Variants in OFD1 observed in about 807,000 individuals in gnomAD.
OFD1 encodes centriole and centriolar satellite protein OFD1.
In OFD1, 12 loss-of-function variants were observed where a neutral mutation model predicts 81.4. The ratio of observed to expected loss-of-function variants is 0.15; its 90% confidence interval spans 0.09 to 0.24. OFD1 has a LOEUF of 0.24. Ranked by LOEUF, OFD1 falls within the 10% of genes least tolerant of loss-of-function variation. OFD1 has a pLI of 1.00. For synonymous variants in OFD1, 256 were observed against 263.7 expected (o/e 0.97, Z 0.28); for missense variants, 685 against 733.9 (o/e 0.93, Z 0.77).
chrX:13,760,086 T>C (rs1428117442), intron 15 of OFD1, 29 bp from the exon 16 acceptor site: 7 of 1,209,582 alleles, frequency 5.8e-6, no homozygotes, highest in Non-Finnish European at 7.8e-6. Context: ...GTCCACTTAC[T>C]TCTGAAATTG....
At chrX:13,751,900 C>T (rs747312032) in intron 10 of OFD1, among the ~76,000 whole-genome samples, 4 of 112,171 alleles carry the variant, frequency 3.6e-5, no homozygotes, top group East Asian at 2.8e-4. Context: ...GCTTCTCTAA[C>T]GTTTATTGTG....
At position 13,753,385 on chromosome X, in the gene OFD1, A is replaced by G. The variant is rs760840957; in HGVS notation, c.1073A>G (p.Lys358Arg). The G allele has an allele frequency of 8.3e-7, 1 of 1,208,008 alleles. No individual in the cohort carries two copies. Among genetic ancestry groups the G allele is most frequent in the Non-Finnish European group, 1.1e-6 (1 of 892,577 alleles). ...ATTCTCAGGTATCAACTTGAACTGA[A>G]GGATGACTACATCATTAGAACTAAT... ...NELLKYQLEL[K>R]DDYIIRTNRL... is the part of the protein sequence containing the mutation. The change falls in exon 11 of 23, where the codon AAG becomes AGG. Residue 358 changes from lysine (K) to arginine (R), a missense_variant. Physicochemically the swap from Lys to Arg is conservative, Grantham distance 26. Transcript: ENST00000340096.
At chrX:13,757,612 T>C (rs1167603550) in intron 13 of OFD1, 48 bp from the exon 14 acceptor site, 1 of 1,178,986 alleles carries the variant, frequency 8.5e-7, no homozygotes, top group African/African-American at 1.8e-5. Context: ...ATAAGAAAAC[T>C]TAAGGTTGGT....
At chrX:13,773,013 T>G, downstream of OFD1, 1 of 1,210,090 alleles carries the variant, frequency 8.3e-7, no homozygotes. Flanking sequence ...TAGAAGACAG[T>G]ATCATGAGGA....
chrX:13,762,805 G>A (rs1317683241), intron 18 of OFD1, among the ~76,000 whole-genome samples: 1 of 111,452 alleles, frequency 9.0e-6, no homozygotes, highest in African/African-American at 3.3e-5. Flanking sequence ...TGTTGCCCAG[G>A]CTGGAGTACA....
chrX:13,731,371 A>T (rs1360633645), upstream of OFD1, among the ~76,000 whole-genome samples: 3 of 112,267 alleles, frequency 2.7e-5, no homozygotes, highest in Admixed American at 9.4e-5. Context: ...TTATACATTA[A>T]CTCATTTAAT....
At chrX:13,743,978 G>A (rs1048761638) in intron 5 of OFD1, among the ~76,000 whole-genome samples, 8 of 111,675 alleles carry the variant, frequency 7.2e-5, no homozygotes, top group Non-Finnish European at 1.1e-4. Flanking sequence ...TGCTTGGGAA[G>A]GCCTTTTCTC....
In OFD1 at chrX:13,734,859, G is replaced by A; in HGVS notation, c.-213G>A. On this transcript the variant is annotated 5_prime_UTR_variant, in exon 1 of 23. Coordinates refer to ENST00000340096, the MANE Select transcript of OFD1 (RefSeq NM_003611.3). ...GTCCTCGCCCTTGCCTCAGAACCGC[G>A]AAGAAAGGAAGCTCGCGTGTTTGCT... is the stretch of plus-strand genomic sequence containing the variant. The A allele has an allele frequency of 1.8e-6, 2 of 1,084,633 alleles. No homozygotes were observed. The highest frequency in any genetic ancestry group is 2.4e-6 in the Non-Finnish European group (2 of 840,588). 89.4% of individuals were successfully genotyped at this position (1,084,633 alleles called of 1,213,427 possible).
downstream of OFD1, chrX:13,773,308 T>G: frequency 5.6e-6 from 1 of 177,203 alleles, no homozygotes; most frequent in Non-Finnish European, 9.4e-6. Context: ...TACGAGAGGG[T>G]GCTTTTTTTT....
At chrX:13,771,982 T>C (rs911968831), downstream of OFD1, 4 of 112,361 alleles carry the variant, frequency 3.6e-5, no homozygotes, top group African/African-American at 1.3e-4. Flanking sequence ...TGAAAAATGG[T>C]TTAGAATGGT....
chrX:13,746,187 A>T, intron 6 of OFD1, 132 bp from the exon 7 acceptor site: 7 of 545,038 alleles, frequency 1.3e-5, no homozygotes, highest in Admixed American at 1.3e-4. Flanking sequence ...CTTTTTTTGT[A>T]TTTCAAAGTA....
chrX:13,737,921 C>T (rs1473301229), intron 3 of OFD1, among the ~76,000 whole-genome samples: 1 of 111,535 alleles, frequency 9.0e-6, no homozygotes, highest in Non-Finnish European at 1.9e-5. Context: ...GCAGTCTTGG[C>T]TCACTGCAAC....
chrX:13,739,658 G>A, intron 5 of OFD1: 1 of 135,549 alleles, frequency 7.4e-6, no homozygotes, highest in Non-Finnish European at 1.4e-5. Flanking sequence ...TGAGGCAGGA[G>A]AATCGCTTGA....
At chrX:13,739,297 A>C in intron 5 of OFD1, 1 of 111,946 alleles carries the variant, frequency 8.9e-6, no homozygotes, top group Non-Finnish European at 1.7e-5. Flanking sequence ...ATATTTCTGC[A>C]AAAAAAAAAA....
At chrX:13,746,716 G>T (rs188042828) in intron 7 of OFD1, 64 bp from the exon 8 acceptor site, 199 of 887,961 alleles carry the variant, frequency 2.2e-4, no homozygotes, top group Admixed American at 5.3e-4. Flanking sequence ...TGTAGAGAGA[G>T]AACTTGTTCC....
chrX:13,757,557 G>A, intron 13 of OFD1, 103 bp from the exon 14 acceptor site: 2 of 884,345 alleles, frequency 2.3e-6, no homozygotes, highest in African/African-American at 4.0e-5. Context: ...TCAGTACAAA[G>A]CAAAGAACAC....
At chrX:13,735,420 G>T in intron 2 of OFD1, 74 bp downstream of exon 2, 2 of 786,874 alleles carry the variant, frequency 2.5e-6, no homozygotes, top group Non-Finnish European at 2.0e-6. Context: ...TTCAATCAAG[G>T]TTTAGGTTTT....
At chrX:13,761,236 A>T (rs1372877001) in intron 17 of OFD1, 25 bp downstream of exon 17, 1 of 1,203,180 alleles carries the variant, frequency 8.3e-7, no homozygotes, top group African/African-American at 1.8e-5. Flanking sequence ...CTGATTGATT[A>T]GCTTCAGCTG....
chrX:13,753,457 A>G lies in OFD1; in HGVS notation c.1129+16A>G, dbSNP rs3815049. On this transcript the variant is annotated intron_variant, in intron 11 of 22. Transcript: ENST00000340096. ...AAGAATAAAGGTGATGTTTGGGGGG[A>G]AAATAAGCTGTATTTTTCAGTTCTG... is the stretch of plus-strand genomic sequence containing the variant. 334,039 of 1,203,519 alleles carry G rather than the reference A, an allele frequency of 0.28. 34,154 individuals carry two copies. The highest frequency in any genetic ancestry group is 0.59 in the Admixed American group (26,817 of 45,588).
Sources: gnomAD v4.1 joint callset for allele counts (sites outside exome capture counted in the v4.1 genomes callset) on GRCh38, gnomAD v4.1.1 for gene constraint, MANE v1.5 for transcripts, NCBI Gene and HGNC (gene_info 2026-07-23, HGNC 2026-07-21) for gene names.